Variants in PKD1L3 observed in about 807,000 individuals in gnomAD.
PKD1L3 encodes polycystin-1-like protein 3.
In PKD1L3, 239 loss-of-function variants were observed where a neutral mutation model predicts 184.1. That is an observed-to-expected ratio of 1.30 (90% CI 1.17 to 1.45). The LOEUF is 1.45. Ranked by LOEUF, PKD1L3 falls within the 40% of genes most tolerant of loss-of-function variation. The pLI, the probability that PKD1L3 is intolerant of heterozygous loss-of-function variation, is 0.00. For missense variants in PKD1L3, 2,660 were observed against 2,067.2 expected (o/e 1.29, Z -5.56); for synonymous variants, 996 against 778.8 (o/e 1.28, Z -4.64).
rs1400556572 is a variant in PKD1L3 at position 71,969,869 on chromosome 16, C to G, written c.2184+6G>C. On this transcript the variant is annotated splice_donor_region_variant and intron_variant, in intron 13 of 29. Transcript: ENST00000620267. ...GGCAAATCTGTTGAAATCAAAGTCT[C>G]ATTACCTTCTGCATATCTGCTTGAT... 6.5e-7 allele frequency: 1 copy of G among 1,541,606 alleles called. No homozygotes were observed. Among genetic ancestry groups the G allele is most frequent in the African/African-American group, 1.4e-5 (1 of 72,964 alleles).
chr16:71,961,129 T>C (rs1332828360), intron 16 of PKD1L3, among the ~76,000 whole-genome samples: 1 of 152,066 alleles, frequency 6.6e-6, no homozygotes, highest in Non-Finnish European at 1.5e-5. Context: ...TTATTTGTTT[T>C]CTCTGTTTTG....
At position 71,973,486 on chromosome 16, in the gene PKD1L3, C is replaced by T; in HGVS notation, c.1791G>A (p.Glu597=). Residue 597 remains glutamate, a synonymous_variant, in exon 12 of 30, where the codon GAG becomes GAA. Transcript: ENST00000620267. ...AGGTGCCAATCCCGTGCTGCAGATGCTCTGGATTCAGCACCCACGTGTACT... is the reference window on the plus strand; with the variant it reads ...AGGTGCCAATCCCGTGCTGCAGATGTTCTGGATTCAGCACCCACGTGTACT... ...DEEYTWVLNP[E]HLQHGIGTYY... The T allele has an allele frequency of 1.3e-6, 2 of 1,551,852 alleles. No homozygotes were observed. The highest frequency in any genetic ancestry group is 1.7e-6 in the Non-Finnish European group (2 of 1,147,044).
rs530743188 is a variant in PKD1L3 at position 71,978,352 on chromosome 16, T to C, written c.1430A>G (p.Asp477Gly). The change falls in exon 10 of 30, where the codon GAT (aspartate) becomes GGT (glycine). Residue 477 changes from aspartate (D) to glycine (G), a missense_variant. By Grantham distance (94) the Asp-to-Gly change is moderately conservative. Transcript: ENST00000620267. ...ITGLAFNPFK[D>G]LDNRNIVGSI... ...TCCAACAATGTTTCTGTTGTCCAAATCCTTGAAGGGATTGAAAGCTAGTCC... is the reference window on the plus strand; with the variant it reads ...TCCAACAATGTTTCTGTTGTCCAAACCCTTGAAGGGATTGAAAGCTAGTCC... 68 of 1,550,422 alleles carry C rather than the reference T, an allele frequency of 4.4e-5. No homozygotes were observed. In the East Asian group the frequency reaches 1.6e-3, roughly 37 times the overall value.
chr16:71,979,212 G>A (rs1193796779), intron 9 of PKD1L3, among the ~76,000 whole-genome samples: 1 of 152,172 alleles, frequency 6.6e-6, no homozygotes, highest in Non-Finnish European at 1.5e-5. Flanking sequence ...GGGAGGCTCA[G>A]GTGGGTGAAT....
chr16:71,975,418 A>G (rs1187711372), intron 11 of PKD1L3, among the ~76,000 whole-genome samples: 2 of 152,146 alleles, frequency 1.3e-5, no homozygotes, highest in Non-Finnish European at 2.9e-5. Context: ...ACTACAATAC[A>G]TTCATTCTGA....
At chr16:71,984,006 C>A in intron 6 of PKD1L3, 30 bp downstream of exon 6, 5 of 1,550,086 alleles carry the variant, frequency 3.2e-6, no homozygotes, top group Non-Finnish European at 1.7e-6. Context: ...TCTCTCCTAC[C>A]TTCTTCCCTC....
intron 16 of PKD1L3, among the ~76,000 whole-genome samples, chr16:71,958,915 C>T (rs1361217030): frequency 2.0e-5 from 3 of 149,600 alleles, no homozygotes; most frequent in South Asian, 2.1e-4. Flanking sequence ...AGTGAAACGC[C>T]GTCTCTAATA....
At chr16:71,929,765 AAAT>A in intron 29 of PKD1L3, 87 bp from the exon 30 acceptor site, 2 of 1,250,106 alleles carry the variant, frequency 1.6e-6, no homozygotes, top group Non-Finnish European at 2.2e-6. Flanking sequence ...GATTTTTAAA[AAAT>A]TAGTAAATGT....
At position 71,967,121 on chromosome 16, in the gene PKD1L3, G is replaced by A. The variant is rs1454780257; in HGVS notation, c.2465+16C>T. 6.5e-7 allele frequency: 1 copy of A among 1,549,254 alleles called. No individual in the cohort carries two copies. The highest frequency in any genetic ancestry group is 2.4e-5 in the East Asian group (1 of 40,898). On this transcript the variant is annotated intron_variant, in intron 15 of 29. Transcript: ENST00000620267. Reference sequence around the variant, plus strand: ...CACAAAGCAGCAGCAACAGCCAACAGGATATAAGTACTCACCAGGAGGGAC... The same window carrying A: ...CACAAAGCAGCAGCAACAGCCAACAAGATATAAGTACTCACCAGGAGGGAC...
chr16:71,984,132 T>C lies in PKD1L3; in HGVS notation c.870A>G (p.Ala290=), dbSNP rs752897631. ...IDEIAGNFSR[A]VHGLQALNKL... ...TGTTAAGAGCTTGCAAACCATGAAC[T>C]GCTCTGCTGAAGTTCCCTGCTATCT... is the stretch of plus-strand genomic sequence containing the variant. Residue 290 remains alanine, a synonymous_variant, in exon 6 of 30, where the codon GCA becomes GCG. Transcript: ENST00000620267. The C allele has an allele frequency of 5.2e-6, 8 of 1,551,942 alleles. 1 individual carries two copies. The South Asian group carries it at 9.5e-5, about 18-fold the overall frequency.
intron 6 of PKD1L3, among the ~76,000 whole-genome samples, chr16:71,982,956 G>A (rs1019413115): frequency 2.6e-5 from 4 of 151,940 alleles, no homozygotes; most frequent in African/African-American, 9.7e-5. Context: ...CATTTCAAAT[G>A]CATTTTATAA....
chr16:71,993,379 G>A (rs1437745522), intron 2 of PKD1L3, 47 bp from the exon 3 acceptor site: 2 of 1,207,014 alleles, frequency 1.7e-6, no homozygotes, highest in Non-Finnish European at 2.3e-6. Flanking sequence ...TATAGCTATG[G>A]CTACAAGTCT....
intron 21 of PKD1L3, among the ~76,000 whole-genome samples, chr16:71,949,242 G>A (rs1028578741): frequency 6.7e-6 from 1 of 149,734 alleles, no homozygotes; most frequent in Non-Finnish European, 1.5e-5. Context: ...TTGTTGATTT[G>A]TTACTGTCCT....
intron 12 of PKD1L3, among the ~76,000 whole-genome samples, chr16:71,972,180 C>A (rs1307637249): frequency 6.6e-6 from 1 of 151,860 alleles, no homozygotes; most frequent in African/African-American, 2.4e-5. Flanking sequence ...CGCGCCACTG[C>A]ACCCCAGCCT....
At chr16:71,994,454 T>C (rs1057117442) in intron 2 of PKD1L3, among the ~76,000 whole-genome samples, 4 of 152,222 alleles carry the variant, frequency 2.6e-5, no homozygotes, top group African/African-American at 9.6e-5. Flanking sequence ...CCTTCTCTCA[T>C]GCTGCTACAA....
intron 19 of PKD1L3, 60 bp downstream of exon 19, chr16:71,951,504 C>G (rs768083062): frequency 1.2e-5 from 18 of 1,455,370 alleles, no homozygotes; most frequent in Non-Finnish European, 1.6e-5. Flanking sequence ...GAAAGTAAGA[C>G]ATATGCAAGG....
chr16:71,944,281 A>G (rs1161257197), intron 22 of PKD1L3, 111 bp from the exon 23 acceptor site: 1 of 1,047,712 alleles, frequency 9.5e-7, no homozygotes, highest in Non-Finnish European at 1.4e-6. Flanking sequence ...TAAACAAGGA[A>G]TAAAACTACC....
chr16:71,970,377 G>A (rs2039666835), intron 12 of PKD1L3, among the ~76,000 whole-genome samples: 1 of 152,146 alleles, frequency 6.6e-6, no homozygotes. Flanking sequence ...GAAGATATAT[G>A]AAAAGGAATG....
chr16:71,985,122 G>T (rs1284404303), intron 5 of PKD1L3, among the ~76,000 whole-genome samples: 1 of 152,136 alleles, frequency 6.6e-6, no homozygotes, highest in Non-Finnish European at 1.5e-5. Flanking sequence ...TGCTGACATT[G>T]CTAAATCCTC....
Sources: allele counts gnomAD v4.1 joint callset (sites outside exome capture counted in the v4.1 genomes callset), GRCh38; gene constraint gnomAD v4.1.1; transcripts MANE v1.5; gene names NCBI Gene and HGNC (gene_info 2026-07-23, HGNC 2026-07-21).